RAD51B: variants seen among roughly 807,000 people sequenced by gnomAD.
RAD51B encodes DNA repair protein RAD51 homolog 2.
RAD51B carries 38 observed loss-of-function variants against 42.2 expected under a neutral mutation model. The observed-to-expected ratio is 0.90, with a 90% CI of 0.70 to 1.18. RAD51B has a LOEUF of 1.18. Among genes scored for constraint, RAD51B ranks in the 50% most tolerant of loss-of-function variants. The pLI is 0.00. For missense variants in RAD51B, 373 were observed against 400.7 expected (o/e 0.93, Z 0.59); for synonymous variants, 154 against 145.2 (o/e 1.06, Z -0.43).
chr14:68,514,177 G>A (rs193288407), intron 10 of RAD51B, among the ~76,000 whole-genome samples: 18 of 152,254 alleles, frequency 1.2e-4, no homozygotes, highest in African/African-American at 3.1e-4. Context: ...AAAAATTACC[G>A]CGGAGCACAT....
chr14:67,895,455 G>A (rs1448984599), intron 7 of RAD51B, among the ~76,000 whole-genome samples: 2 of 152,100 alleles, frequency 1.3e-5, no homozygotes, highest in African/African-American at 4.8e-5. Flanking sequence ...TCTCTTTTCT[G>A]TATCGGTAAT....
At chr14:68,007,450 C>CAGT in intron 7 of RAD51B, among the ~76,000 whole-genome samples, 1 of 152,084 alleles carries the variant, frequency 6.6e-6, no homozygotes, top group South Asian at 2.1e-4. Flanking sequence ...CTGTTTTTCT[C>CAGT]AGTAGCTGCA....
At chr14:68,488,610 G>A (rs1883825960) in intron 10 of RAD51B, among the ~76,000 whole-genome samples, 1 of 152,152 alleles carries the variant, frequency 6.6e-6, no homozygotes, top group Admixed American at 6.5e-5. Flanking sequence ...ATCCTGCCAT[G>A]TCAGTTTAGC....
At position 67,886,023 on chromosome 14, in the gene RAD51B, C is replaced by A. The variant is rs36102744; in HGVS notation, c.572+35C>A. 57 of 1,452,990 alleles carry A rather than the reference C, an allele frequency of 3.9e-5. No homozygotes were observed. The East Asian group carries it at 1.3e-3, about 34-fold the overall frequency. 90.0% of individuals were successfully genotyped at this position (1,452,990 alleles called of 1,614,324 possible). Reference sequence around the variant, plus strand: ...TTTAGATTTTGATTTTTTAGTAATGCGTTGAAGGTTTATGTTTTATCTTTT... The same window carrying A: ...TTTAGATTTTGATTTTTTAGTAATGAGTTGAAGGTTTATGTTTTATCTTTT... On this transcript the variant is annotated intron_variant, in intron 6 of 10. Transcript: ENST00000471583.
intron 9 of RAD51B, among the ~76,000 whole-genome samples, chr14:68,447,227 T>A (rs1331087800): frequency 1.3e-5 from 2 of 151,964 alleles, no homozygotes; most frequent in Non-Finnish European, 2.9e-5. Context: ...TCAATAAAAA[T>A]AATAATAATA....
In RAD51B at chr14:67,976,063, T is replaced by G. The variant is rs1041044293; in HGVS notation, c.756+88859T>G. Among the ~76,000 whole-genome samples the G allele has an allele frequency of 3.3e-5, 5 of 152,200 alleles. 1 individual carries two copies. The highest frequency in any genetic ancestry group is 6.8e-3 in the Middle Eastern group (2 of 294). On this transcript the variant is annotated intron_variant, in intron 7 of 10. Transcript: ENST00000471583. ...CCTCTTTCATAAACCCAGTTTGGAC[T>G]TTTCTGGCCCACTCCAGTTGTTTTT...
At chr14:68,222,027 C>T (rs1159977263) in intron 7 of RAD51B, among the ~76,000 whole-genome samples, 3 of 151,990 alleles carry the variant, frequency 2.0e-5, no homozygotes, top group Non-Finnish European at 2.9e-5. Flanking sequence ...ATAATCAAAA[C>T]ATAAAAAAAT....
At chr14:68,170,160 A>C (rs572505215) in intron 7 of RAD51B, among the ~76,000 whole-genome samples, 2 of 152,062 alleles carry the variant, frequency 1.3e-5, no homozygotes, top group Non-Finnish European at 2.9e-5. Flanking sequence ...GAGGGAACCT[A>C]CTCTACTTGA....
intron 9 of RAD51B, among the ~76,000 whole-genome samples, chr14:68,426,910 A>G (rs1466691131): frequency 6.6e-6 from 1 of 152,204 alleles, no homozygotes; most frequent in Non-Finnish European, 1.5e-5. Flanking sequence ...GGTACCATCC[A>G]CAGGCTGACT....
intron 9 of RAD51B, among the ~76,000 whole-genome samples, chr14:68,461,457 A>G (rs555994413): frequency 6.6e-6 from 1 of 152,310 alleles, no homozygotes; most frequent in South Asian, 2.1e-4. Flanking sequence ...CATGGTGGTT[A>G]AAAGTACAGA....
At chr14:68,670,805 A>G (rs1893140411) in intron 11 of RAD51B, among the ~76,000 whole-genome samples, 1 of 152,182 alleles carries the variant, frequency 6.6e-6, no homozygotes, top group Non-Finnish European at 1.5e-5. Flanking sequence ...AGACACAAAT[A>G]TCTCATTTCA....
chr14:68,583,747 C>T (rs753535875), intron 10 of RAD51B, among the ~76,000 whole-genome samples: 6 of 152,196 alleles, frequency 3.9e-5, no homozygotes, highest in Non-Finnish European at 8.8e-5. Context: ...GTGTGCACAC[C>T]AGTAATGTGA....
chr14:68,066,423 C>G (rs1202932840), intron 7 of RAD51B, among the ~76,000 whole-genome samples: 1 of 152,010 alleles, frequency 6.6e-6, no homozygotes, highest in Non-Finnish European at 1.5e-5. Flanking sequence ...GCTAATGCAT[C>G]CTATTTTTAA....
chr14:68,227,107 G>A (rs549489679), intron 7 of RAD51B, among the ~76,000 whole-genome samples: 115 of 152,262 alleles, frequency 7.6e-4, no homozygotes, highest in African/African-American at 2.7e-3. Flanking sequence ...ATGCAATCAG[G>A]CCTCCTCGTC....
At chr14:68,026,558 G>C (rs1384934276) in intron 7 of RAD51B, among the ~76,000 whole-genome samples, 1 of 151,940 alleles carries the variant, frequency 6.6e-6, no homozygotes, top group African/African-American at 2.4e-5. Flanking sequence ...ATTTAGGATA[G>C]TTAAGTCTTC....
At chr14:67,875,115 A>G (rs2042683954) in intron 5 of RAD51B, among the ~76,000 whole-genome samples, 1 of 152,186 alleles carries the variant, frequency 6.6e-6, no homozygotes, top group Non-Finnish European at 1.5e-5. Context: ...GGTAGGATAT[A>G]GGACTGGAAT....
intron 10 of RAD51B, among the ~76,000 whole-genome samples, chr14:68,558,352 C>T (rs746542685): frequency 2.8e-4 from 42 of 152,230 alleles, no homozygotes; most frequent in Non-Finnish European, 8.8e-5. Context: ...CATTCGGCCA[C>T]GAGAGCTATA....
Position 68,235,158 on chromosome 14 carries a change from G to A in RAD51B, c.757-56726G>A, listed in dbSNP as rs142769519. Among the ~76,000 whole-genome samples the A allele has an allele frequency of 8.2e-3, 1,248 of 152,038 alleles. 4 individuals carry two copies. Among genetic ancestry groups the A allele is most frequent in the Non-Finnish European group, 0.011 (726 of 67,986 alleles). ...TGTGCCGTACATTATTGTATGTGCT[G>A]TGCTTTTATATGACTAACAATACAG... On this transcript the variant is annotated intron_variant, in intron 7 of 10. Coordinates refer to ENST00000471583, the MANE Select transcript of RAD51B (RefSeq NM_133510.4).
chr14:68,420,190 T>C (rs1179481547), intron 9 of RAD51B, among the ~76,000 whole-genome samples: 1 of 152,218 alleles, frequency 6.6e-6, no homozygotes, highest in Non-Finnish European at 1.5e-5. Flanking sequence ...TCAGTTCTTT[T>C]TCCTGTACCA....
Sources: gnomAD v4.1 joint callset for allele counts (sites outside exome capture counted in the v4.1 genomes callset) on GRCh38, gnomAD v4.1.1 for gene constraint, MANE v1.5 for transcripts, NCBI Gene and HGNC (gene_info 2026-07-23, HGNC 2026-07-21) for gene names.